Variants in MYO3A observed in about 807,000 individuals in gnomAD.
MYO3A encodes the protein myosin-IIIa.
A neutral mutation model predicts 192.7 loss-of-function variants in MYO3A; 180 were observed. The ratio of observed to expected loss-of-function variants is 0.93; its 90% CI spans 0.83 to 1.06. The LOEUF (loss-of-function observed/expected upper bound fraction) is 1.06, where lower values mean the gene tolerates loss of function less well. Ranked by LOEUF, MYO3A falls within the 50% of genes least tolerant of loss-of-function variation. The pLI is 0.00. For synonymous variants in MYO3A, 628 were observed against 645.3 expected, an observed-to-expected ratio of 0.97 and a Z score of 0.41; for missense variants, 1,896 against 1,905.0, an observed-to-expected ratio of 1.00 and a Z score of 0.09.
Position 26,021,511 on chromosome 10 carries a change from A to T in MYO3A, c.594A>T (p.Ala198=). ...GTGTGGTTTTCTACTAGGTGATTGC[A>T]TGTGAACAGCAATTGGATACCACTT... is the stretch of plus-strand genomic sequence containing the variant. ...TPFWMAPEVI[A]CEQQLDTTYD... Residue 198 remains alanine (A), a synonymous_variant, in exon 8 of 35, where the codon GCA becomes GCT. Coordinates refer to ENST00000642920, the MANE Select transcript of MYO3A (RefSeq NM_017433.5). The T allele has an allele frequency of 2.5e-6, 4 of 1,614,080 alleles. No homozygotes were observed. Among genetic ancestry groups the T allele is most frequent in the Non-Finnish European group, 3.4e-6 (4 of 1,179,908 alleles).
chr10:25,987,879 A>G (rs1839751925), intron 4 of MYO3A, among the ~76,000 whole-genome samples: 1 of 152,214 alleles, frequency 6.6e-6, no homozygotes, highest in Non-Finnish European at 1.5e-5. Context: ...AGAAATCACT[A>G]TATGAAAAAG....
intron 10 of MYO3A, among the ~76,000 whole-genome samples, chr10:26,033,223 G>A (rs931716855): frequency 2.0e-5 from 3 of 152,140 alleles, no homozygotes; most frequent in South Asian, 2.1e-4. Flanking sequence ...GCAGGAGCCC[G>A]CCACTGTGCC....
intron 2 of MYO3A, among the ~76,000 whole-genome samples, chr10:25,938,472 C>T (rs12245237): frequency 0.082 from 12,403 of 152,142 alleles, 652 homozygotes; most frequent in African/African-American, 0.14. Flanking sequence ...GATTTCTATG[C>T]TGAGATCATC....
Position 26,143,461 on chromosome 10 carries a change from A to T in MYO3A, c.2276A>T (p.Asn759Ile). ...VFAWEQNEYL[N>I]EDVDARVIEY... ...TCTTTATTATAGAATGAATACCTAA[A>T]TGAAGATGTGGATGCTAGAGTTATT... Residue 759 changes from asparagine to isoleucine, a missense_variant, in exon 21 of 35, where the codon AAT becomes ATT. Physicochemically the swap from Asn to Ile is moderately radical, Grantham distance 149 (BLOSUM62 -3). Transcript: ENST00000642920. 6.2e-7 allele frequency: 1 copy of T among 1,612,270 alleles called. No individual in the cohort carries two copies.
At chr10:25,995,800 G>A (rs367645499) in intron 4 of MYO3A, among the ~76,000 whole-genome samples, 11 of 152,226 alleles carry the variant, frequency 7.2e-5, no homozygotes, top group African/African-American at 9.6e-5. Context: ...TATCAGCAGC[G>A]GAGGCTGCAG....
chr10:26,048,169 C>G (rs886141661), intron 10 of MYO3A, among the ~76,000 whole-genome samples: 1 of 152,058 alleles, frequency 6.6e-6, no homozygotes. Context: ...CTGACATGCC[C>G]CTCATTCCTT....
intron 23 of MYO3A, among the ~76,000 whole-genome samples, chr10:26,151,124 A>G (rs752064732): frequency 3.3e-5 from 5 of 152,088 alleles, no homozygotes; most frequent in South Asian, 2.1e-4. Flanking sequence ...TTTCATTTGC[A>G]CTTGAAAATA....
intron 10 of MYO3A, among the ~76,000 whole-genome samples, chr10:26,035,576 A>G (rs1842987395): frequency 6.6e-6 from 1 of 152,188 alleles, no homozygotes; most frequent in Admixed American, 6.5e-5. Flanking sequence ...TAATTATACA[A>G]TCATAGATTA....
chr10:25,993,450 T>C (rs561615661), intron 4 of MYO3A, among the ~76,000 whole-genome samples: 25 of 152,280 alleles, frequency 1.6e-4, no homozygotes, highest in Admixed American at 5.2e-4. Context: ...TTGTTGATTT[T>C]TTCAAAAAAC....
chr10:25,994,380 A>T (rs997384861), intron 4 of MYO3A, among the ~76,000 whole-genome samples: 1 of 152,022 alleles, frequency 6.6e-6, no homozygotes, highest in Non-Finnish European at 1.5e-5. Context: ...ATCTTCCTCT[A>T]TCCCTTTATT....
intron 20 of MYO3A, among the ~76,000 whole-genome samples, chr10:26,133,960 A>G (rs1194262704): frequency 5.9e-5 from 9 of 152,198 alleles, no homozygotes; most frequent in Admixed American, 5.2e-4. Context: ...GATATACAGA[A>G]CACTGTATTT....
chr10:26,192,052 GCAAA>G (rs1464751834), intron 31 of MYO3A, among the ~76,000 whole-genome samples: 2 of 152,134 alleles, frequency 1.3e-5, no homozygotes, highest in Non-Finnish European at 2.9e-5. Flanking sequence ...ACATTCTTGC[GCAAA>G]CAGAGTCGGT....
chr10:26,063,126 T>C, intron 10 of MYO3A, among the ~76,000 whole-genome samples: 1 of 151,904 alleles, frequency 6.6e-6, no homozygotes, highest in East Asian at 1.9e-4. Context: ...CATGTGTGAG[T>C]TCTGTGACCA....
chr10:26,063,400 C>T (rs1396079886), intron 10 of MYO3A, among the ~76,000 whole-genome samples: 1 of 151,954 alleles, frequency 6.6e-6, no homozygotes, highest in African/African-American at 2.4e-5. Flanking sequence ...AGATTTTTTC[C>T]TATGTTATCT....
intron 4 of MYO3A, among the ~76,000 whole-genome samples, chr10:25,993,845 A>C (rs897119075): frequency 3.3e-5 from 5 of 152,116 alleles, no homozygotes; most frequent in African/African-American, 9.7e-5. Flanking sequence ...CTTAATCCTG[A>C]GTTCTAGTAT....
intron 10 of MYO3A, among the ~76,000 whole-genome samples, chr10:26,035,710 A>AT (rs1177002652): frequency 1.3e-5 from 2 of 152,074 alleles, no homozygotes; most frequent in Admixed American, 6.5e-5. Context: ...AAGTATAATG[A>AT]TTTTTCAGAC....
intron 3 of MYO3A, 50 bp from the exon 4 acceptor site, chr10:25,954,824 A>T: frequency 6.4e-7 from 1 of 1,568,878 alleles, no homozygotes; most frequent in Non-Finnish European, 8.8e-7. Flanking sequence ...TTTCTTTGAC[A>T]TTACTCATGG....
chr10:26,106,134 G>A (rs1014319131), intron 17 of MYO3A, among the ~76,000 whole-genome samples: 1 of 151,958 alleles, frequency 6.6e-6, no homozygotes, highest in Non-Finnish European at 1.5e-5. Context: ...CAAACTGTAA[G>A]ATCAATATAT....
chr10:26,155,218 AC>A (rs1260653701), intron 25 of MYO3A, among the ~76,000 whole-genome samples: 1 of 152,136 alleles, frequency 6.6e-6, no homozygotes, highest in Non-Finnish European at 1.5e-5. Context: ...ATTTCATATC[AC>A]CCTGCCTGTA....
Sources: gnomAD v4.1 joint callset for allele counts (sites outside exome capture counted in the v4.1 genomes callset) on GRCh38, gnomAD v4.1.1 for gene constraint, MANE v1.5 for transcripts, NCBI Gene and HGNC (gene_info 2026-07-23, HGNC 2026-07-21) for gene names.